The following C3orf49 variants were observed in gnomAD, a reference collection of about 807,000 sequenced individuals.
C3orf49 encodes the protein chromosome 3 open reading frame 49.
Under a neutral mutation model 13.3 loss-of-function variants are expected in C3orf49, and 27 were observed. The observed-to-expected ratio is 2.02, with a 90% confidence interval of 1.49 to 2.79. The LOEUF (loss-of-function observed/expected upper bound fraction) is 2.79, where lower values mean the gene tolerates loss of function less well. Ranked by LOEUF, C3orf49 falls within the 30% of genes most tolerant of loss-of-function variation. The probability of loss-of-function intolerance (pLI) is 0.00; values close to 1 mark genes in which losing one functional copy is unlikely to be tolerated. For synonymous variants in C3orf49, 87 were observed against 47.6 expected (o/e 1.83, Z -3.40); for missense variants, 242 against 134.2 (o/e 1.80, Z -3.97).
chr3:63,793,779 C>T, the C3orf49 span, among the ~76,000 whole-genome samples: 1 of 152,150 alleles, frequency 6.6e-6, no homozygotes, highest in Non-Finnish European at 1.5e-5. Context: ...ATATCAGCTC[C>T]ATGAGAGCAG....
chr3:63,813,035 C>G, the C3orf49 span, among the ~76,000 whole-genome samples: 86 of 152,166 alleles, frequency 5.7e-4, no homozygotes, highest in Non-Finnish European at 6.8e-4. Flanking sequence ...TTTAGCACAT[C>G]CTGCCTCCAC....
At chr3:63,821,064 C>T (rs572132765) in intron 1 of C3orf49, among the ~76,000 whole-genome samples, 1 of 152,164 alleles carries the variant, frequency 6.6e-6, no homozygotes, top group East Asian at 1.9e-4. Flanking sequence ...GTTCCAAACA[C>T]ATGAATTATT....
rs1276149329 is a variant in C3orf49 at position 63,831,130 on chromosome 3, G to T, written c.591G>T (p.Lys197Asn). 6 of 701,470 alleles carry T rather than the reference G, an allele frequency of 8.6e-6. No homozygotes were observed. Among genetic ancestry groups the T allele is most frequent in the Non-Finnish European group, 1.3e-5 (5 of 384,808 alleles). The allele number at this position is 701,470 out of a possible 1,614,324, so 43.5% of individuals were successfully genotyped here. A position where few individuals can be genotyped will look rare whatever the true frequency, so the allele number is the denominator to read the frequency against. Residue 197 changes from lysine (K) to asparagine (N), a missense_variant, in exon 4 of 7, where the codon AAG becomes AAT. Lys to Asn is a moderately conservative substitution (Grantham distance 94, BLOSUM62 0). Coordinates refer to ENST00000295896, the MANE Select transcript of C3orf49 (RefSeq NM_001355236.2). Reference protein sequence around the residue: ...GLQKGPYSPKKRPHFPALKKK... With the variant: ...GLQKGPYSPKNRPHFPALKKK... ...CATAGGGGCCATATTCACCAAAAAA[G>T]AGACCACACTTTCCAGCACTTAAAA... is the stretch of plus-strand genomic sequence containing the variant.
chr3:63,838,280 T>C (rs1701675461), intron 5 of C3orf49: 16 of 1,030,576 alleles, frequency 1.6e-5, no homozygotes, highest in Non-Finnish European at 1.9e-5. Context: ...ATTGTTATTA[T>C]TCTTTTACCA....
chr3:63,781,472 G>A, the C3orf49 span, among the ~76,000 whole-genome samples: 1 of 152,122 alleles, frequency 6.6e-6, no homozygotes, highest in Non-Finnish European at 1.5e-5. Context: ...TGGCAATGCG[G>A]GCTCTTTTTT....
At chr3:63,841,089 G>A (rs763049173) in intron 5 of C3orf49, among the ~76,000 whole-genome samples, 1 of 152,186 alleles carries the variant, frequency 6.6e-6, no homozygotes, top group African/African-American at 2.4e-5. Flanking sequence ...TGAGCCAAAA[G>A]AATAGTGCAG....
the C3orf49 span, among the ~76,000 whole-genome samples, chr3:63,794,272 T>A: frequency 2.0e-5 from 3 of 152,070 alleles, no homozygotes; most frequent in African/African-American, 7.2e-5. Flanking sequence ...TTATACCCCA[T>A]CTTCCTCCGT....
the C3orf49 span, among the ~76,000 whole-genome samples, chr3:63,794,072 C>A: frequency 2.0e-5 from 3 of 151,944 alleles, no homozygotes; most frequent in African/African-American, 7.3e-5. Context: ...GGAGGATCAC[C>A]TGAGCCTGGG....
chr3:63,838,444 C>T (rs1338696818), intron 5 of C3orf49: 17 of 1,609,756 alleles, frequency 1.1e-5, no homozygotes, highest in Middle Eastern at 1.7e-4. Context: ...AAAGTTTTGC[C>T]CATTGAAAAT....
At chr3:63,789,353 C>T in the C3orf49 span, among the ~76,000 whole-genome samples, 3 of 152,094 alleles carry the variant, frequency 2.0e-5, no homozygotes, top group Admixed American at 6.5e-5. Context: ...GGTTGAAGAC[C>T]GTTGATCTAC....
the C3orf49 span, among the ~76,000 whole-genome samples, chr3:63,785,416 C>T: frequency 6.6e-6 from 1 of 152,030 alleles, no homozygotes; most frequent in Non-Finnish European, 1.5e-5. Flanking sequence ...TAGGATATAT[C>T]CCATCCTCAG....
chr3:63,782,854 C>T, the C3orf49 span: 3 of 152,164 alleles, frequency 2.0e-5, no homozygotes, highest in Non-Finnish European at 4.4e-5. Context: ...ACCTTCCAAA[C>T]ACTGATGTTT....
the C3orf49 span, among the ~76,000 whole-genome samples, chr3:63,789,279 C>T: frequency 1.2e-4 from 18 of 152,260 alleles, no homozygotes; most frequent in Non-Finnish European, 2.5e-4. Flanking sequence ...ATCCTAAAAC[C>T]ATCTCCCCTT....
chr3:63,798,884 A>G, the C3orf49 span, among the ~76,000 whole-genome samples: 3 of 152,142 alleles, frequency 2.0e-5, no homozygotes, highest in Admixed American at 6.5e-5. Context: ...AACCAGAAAC[A>G]TTTAATCTCT....
At chr3:63,826,674 A>G (rs546432119) in intron 2 of C3orf49, 1 of 152,326 alleles carries the variant, frequency 6.6e-6, no homozygotes, top group Middle Eastern at 3.4e-3. Context: ...ACTTTAAGCA[A>G]CAAGATGATT....
chr3:63,813,002 A>G, the C3orf49 span, among the ~76,000 whole-genome samples: 1 of 152,190 alleles, frequency 6.6e-6, no homozygotes, highest in East Asian at 1.9e-4. Context: ...GTGTTTTTAA[A>G]AAGATCTTCT....
At chr3:63,781,185 T>A in the C3orf49 span, among the ~76,000 whole-genome samples, 514 of 150,868 alleles carry the variant, frequency 3.4e-3, 2 homozygotes, top group African/African-American at 0.012. Context: ...AAGGAAGGGA[T>A]CCAGTTTCAG....
chr3:63,839,253 GTTTCTGCCA>G lies in C3orf49; in HGVS notation c.850-5758_850-5750del, dbSNP rs1396937801. Among the ~76,000 whole-genome samples the G allele has an allele frequency of 3.3e-5, 5 of 152,102 alleles. No individual in the cohort carries two copies. The East Asian group carries it at 7.7e-4, about 23-fold the overall frequency. The stretch of plus-strand genomic sequence containing the variant: ...TCAGGTTGGTACAAAAGTAATCGTG[GTTTCTGCCA>G]TTTCTGCCATTAAAGTTAATGGCAG... On this transcript the variant is annotated intron_variant, in intron 5 of 6. Transcript: ENST00000295896.
At chr3:63,796,295 A>T in the C3orf49 span, among the ~76,000 whole-genome samples, 1 of 152,122 alleles carries the variant, frequency 6.6e-6, no homozygotes, top group Non-Finnish European at 1.5e-5. Context: ...ACTTTTTCAC[A>T]CACAAGATAG....
Sources: gnomAD v4.1 joint callset for allele counts (sites outside exome capture counted in the v4.1 genomes callset) on GRCh38, gnomAD v4.1.1 for gene constraint, MANE v1.5 for transcripts, NCBI Gene and HGNC (gene_info 2026-07-23, HGNC 2026-07-21) for gene names.